Variants in NAV3 observed in about 807,000 individuals in gnomAD.
NAV3 encodes neuron navigator 3, also known as pore membrane and/or filament interacting like protein 1.
In NAV3, 87 loss-of-function variants were observed where a neutral mutation model predicts 244.7. That is an observed-to-expected ratio of 0.36 (90% CI 0.30 to 0.42). The LOEUF (loss-of-function observed/expected upper bound fraction) is 0.42, where lower values mean the gene tolerates loss of function less well. NAV3 is among the 20% of genes least tolerant of loss of function. The pLI, the probability that NAV3 is intolerant of heterozygous loss-of-function variation, is 1.00. For synonymous variants in NAV3, 1,126 were observed against 1,042.2 expected (o/e 1.08, Z -1.55); for missense variants, 2,663 against 2,893.3 (o/e 0.92, Z 1.83).
At chr12:78,191,104 G>A (rs1298572467) in intron 34 of NAV3, among the ~76,000 whole-genome samples, 1 of 152,046 alleles carries the variant, frequency 6.6e-6, no homozygotes, top group Admixed American at 6.6e-5. Context: ...CAGTTTCTCA[G>A]AAACCTGAAA....
At chr12:77,810,878 T>G (rs985856689) in intron 2 of NAV3, among the ~76,000 whole-genome samples, 22 of 152,196 alleles carry the variant, frequency 1.4e-4, no homozygotes, top group African/African-American at 5.3e-4. Flanking sequence ...GTTTTATTGT[T>G]TTCTTATTTA....
intron 2 of NAV3, among the ~76,000 whole-genome samples, chr12:77,662,300 C>T (rs749927633): frequency 1.3e-4 from 20 of 151,540 alleles, no homozygotes; most frequent in Middle Eastern, 3.2e-3. Context: ...TTTCTCTCAG[C>T]AGTGCTTTAT....
chr12:77,928,018 C>T (rs772212728), intron 1 of NAV3, among the ~76,000 whole-genome samples: 1 of 151,756 alleles, frequency 6.6e-6, no homozygotes, highest in Non-Finnish European at 1.5e-5. Context: ...GTCTGGAGTT[C>T]GAGACCAGTC....
chr12:77,755,548 CTTTCCTTTCCTTTCCTTTCCTTTCCTT>C (rs1869100906), intron 2 of NAV3, among the ~76,000 whole-genome samples: 1 of 51,978 alleles, frequency 1.9e-5, no homozygotes, highest in African/African-American at 1.1e-4. Flanking sequence ...CTTTCCTTTC[CTTTCCTTTCCTTTCCTTTCCTTTCCTT>C]TCCTTTCCTC....
At chr12:78,059,276 T>C (rs1791205765) in intron 12 of NAV3, among the ~76,000 whole-genome samples, 161 bp downstream of exon 12, 1 of 152,062 alleles carries the variant, frequency 6.6e-6, no homozygotes, top group Non-Finnish European at 1.5e-5. Flanking sequence ...TTTTTTTGTT[T>C]GTTTGTTTGT....
At chr12:78,113,710 G>C (rs2138449842) in intron 12 of NAV3, among the ~76,000 whole-genome samples, 1 of 152,272 alleles carries the variant, frequency 6.6e-6, no homozygotes, top group South Asian at 2.1e-4. Context: ...CCACAAAACT[G>C]TCTGACATGC....
intron 1 of NAV3, among the ~76,000 whole-genome samples, chr12:77,877,395 C>T (rs1334819615): frequency 1.3e-5 from 2 of 152,030 alleles, no homozygotes; most frequent in Admixed American, 6.6e-5. Flanking sequence ...CAATTCTTTA[C>T]CAATTATTTC....
chr12:77,747,906 A>T (rs1868637499), intron 2 of NAV3, among the ~76,000 whole-genome samples: 1 of 152,108 alleles, frequency 6.6e-6, no homozygotes, highest in Non-Finnish European at 1.5e-5. Flanking sequence ...TGGGGGAGGG[A>T]TAGCGTTAGG....
At chr12:77,775,234 A>G (rs745793556) in intron 2 of NAV3, among the ~76,000 whole-genome samples, 2 of 152,020 alleles carry the variant, frequency 1.3e-5, no homozygotes, top group African/African-American at 4.8e-5. Context: ...TCCACTAAAA[A>G]TAGAAAAATT....
intron 2 of NAV3, among the ~76,000 whole-genome samples, chr12:77,622,149 C>T (rs571175045): frequency 6.6e-6 from 1 of 151,758 alleles, no homozygotes; most frequent in South Asian, 2.1e-4. Context: ...ACCAAGCTGT[C>T]TGTTTTTCTG....
intron 12 of NAV3, among the ~76,000 whole-genome samples, chr12:78,102,033 TAA>T (rs1954561892): frequency 2.0e-5 from 3 of 152,180 alleles, no homozygotes; most frequent in Admixed American, 2.0e-4. Flanking sequence ...TTGATTTTGT[TAA>T]GTGTTACCTA....
rs10466986 is a variant in NAV3, at chr12:77,886,795, T to C, written c.244-53524T>C. Among the ~76,000 whole-genome samples, 890 of 152,270 alleles carry C rather than the reference T, an allele frequency of 5.8e-3. 11 individuals are homozygous for C. Among genetic ancestry groups the C allele is most frequent in the African/African-American group, 0.02 (824 of 41,576 alleles). On this transcript the variant is annotated intron_variant, in intron 1 of 39. Transcript: ENST00000397909. ...GCCTATCAATAAATAATCATTGAGC[T>C]GAAATAAGCTATAATATTGTGGTTC...
intron 7 of NAV3, among the ~76,000 whole-genome samples, chr12:77,998,840 G>A (rs1872772363): frequency 6.6e-6 from 1 of 152,008 alleles, no homozygotes; most frequent in South Asian, 2.1e-4. Context: ...CTTCAGTTAA[G>A]GTAAGAGCCA....
intron 2 of NAV3, among the ~76,000 whole-genome samples, chr12:77,625,354 GC>G (rs1411469450): frequency 6.6e-6 from 1 of 151,848 alleles, no homozygotes; most frequent in Non-Finnish European, 1.5e-5. Flanking sequence ...ATAACTAATT[GC>G]TTTTAGTTTT....
chr12:78,127,929 T>C (rs572847647), intron 17 of NAV3, among the ~76,000 whole-genome samples: 1 of 152,280 alleles, frequency 6.6e-6, no homozygotes, highest in Admixed American at 6.5e-5. Context: ...TTTTACTGTG[T>C]ACTTTTATCT....
intron 2 of NAV3, among the ~76,000 whole-genome samples, chr12:77,799,107 G>A (rs1871572776): frequency 6.6e-6 from 1 of 152,172 alleles, no homozygotes; most frequent in South Asian, 2.1e-4. Context: ...TTGAACCTGA[G>A]CCGCAAGAGA....
At chr12:77,810,503 C>T (rs1418121418) in intron 2 of NAV3, among the ~76,000 whole-genome samples, 1 of 152,104 alleles carries the variant, frequency 6.6e-6, no homozygotes, top group East Asian at 1.9e-4. Context: ...ATAATCTGAT[C>T]TTTTATTACT....
chr12:77,967,806 C>T (rs1259776947), intron 4 of NAV3, among the ~76,000 whole-genome samples: 1 of 151,936 alleles, frequency 6.6e-6, no homozygotes, highest in East Asian at 1.9e-4. Flanking sequence ...AGGATTTCTG[C>T]TTATTCAATT....
chr12:77,853,605 A>G (rs1877894448), intron 1 of NAV3, among the ~76,000 whole-genome samples: 1 of 152,196 alleles, frequency 6.6e-6, no homozygotes, highest in African/African-American at 2.4e-5. Flanking sequence ...TACTTCTGAT[A>G]GCAACATTTC....
Sources: allele counts gnomAD v4.1 joint callset (sites outside exome capture counted in the v4.1 genomes callset), GRCh38; gene constraint gnomAD v4.1.1; transcripts MANE v1.5; gene names NCBI Gene and HGNC (gene_info 2026-07-23, HGNC 2026-07-21).